The following CTDSPL2 variants were observed in gnomAD, a reference collection of about 807,000 sequenced individuals.
CTDSPL2 encodes the protein CTD small phosphatase-like protein 2.
Under a neutral mutation model 60.0 loss-of-function variants are expected in CTDSPL2, and 5 were observed. That is an observed-to-expected ratio of 0.08 (90% CI 0.04 to 0.18). The LOEUF is 0.18. Ranked by LOEUF, CTDSPL2 falls within the 10% of genes least tolerant of loss-of-function variation. The pLI is 1.00. For missense variants in CTDSPL2, 370 were observed against 548.8 expected (o/e 0.67, Z 3.26); for synonymous variants, 186 against 189.3 (o/e 0.98, Z 0.14).
intron 2 of CTDSPL2, among the ~76,000 whole-genome samples, chr15:44,477,819 C>T (rs943292568): frequency 2.0e-5 from 3 of 150,482 alleles, no homozygotes; most frequent in African/African-American, 7.4e-5. Flanking sequence ...TCCTGGGCAG[C>T]AAGAGCGAAA....
chr15:44,465,990 A>G (rs1269664230), intron 2 of CTDSPL2, among the ~76,000 whole-genome samples: 1 of 150,468 alleles, frequency 6.6e-6, no homozygotes, highest in Non-Finnish European at 1.5e-5. Flanking sequence ...GCTGGAGTGC[A>G]GTGGGACCAT....
intron 8 of CTDSPL2, among the ~76,000 whole-genome samples, chr15:44,514,223 G>A (rs1388342073): frequency 6.6e-6 from 1 of 152,220 alleles, no homozygotes; most frequent in African/African-American, 2.4e-5. Context: ...AGGTCAGCTA[G>A]AGGTGGACAC....
At chr15:44,519,670 CTA>C (rs1158655941) in intron 11 of CTDSPL2, 3 of 159,436 alleles carry the variant, frequency 1.9e-5, no homozygotes, top group Admixed American at 6.5e-5. Flanking sequence ...TTTTCTTAGA[CTA>C]TTTTGTCAAT....
chr15:44,467,245 A>G (rs1039152385), intron 2 of CTDSPL2, among the ~76,000 whole-genome samples: 15 of 152,200 alleles, frequency 9.9e-5, no homozygotes. Context: ...TTATGCATAT[A>G]TAATTATGTC....
Position 44,527,579 on chromosome 15 carries a change from C to T in CTDSPL2, c.*3405C>T, listed in dbSNP as rs928968666. ...ACATTGAAGCCTTTATTTAATTGTA[C>T]TAATATGATGGTGTTATATACTACA... is the stretch of plus-strand genomic sequence containing the variant. On this transcript the variant is annotated 3_prime_UTR_variant, in exon 13 of 13. Coordinates refer to ENST00000260327, the MANE Select transcript of CTDSPL2 (RefSeq NM_016396.3). 3 of 152,114 alleles carry T rather than the reference C, an allele frequency of 2.0e-5. No homozygotes were observed. Among genetic ancestry groups the T allele is most frequent in the Non-Finnish European group, 4.4e-5 (3 of 67,976 alleles). The allele number at this position is 152,114 out of a possible 1,614,324, so 9.4% of individuals were successfully genotyped here. A position where few individuals can be genotyped will look rare whatever the true frequency, so the allele number is the denominator to read the frequency against.
chr15:44,469,957 G>A (rs963100903), intron 2 of CTDSPL2, among the ~76,000 whole-genome samples: 1 of 151,934 alleles, frequency 6.6e-6, no homozygotes, highest in African/African-American at 2.4e-5. Context: ...AATTAGCCGG[G>A]TGTGGTGGCA....
chr15:44,456,367 G>A (rs529897545), intron 1 of CTDSPL2, among the ~76,000 whole-genome samples: 217 of 152,184 alleles, frequency 1.4e-3, no homozygotes, highest in Non-Finnish European at 1.5e-3. Flanking sequence ...AATCCATCTG[G>A]TCCTGGACTT....
At chr15:44,512,715 A>G (rs889809301) in intron 8 of CTDSPL2, among the ~76,000 whole-genome samples, 4 of 152,212 alleles carry the variant, frequency 2.6e-5, no homozygotes, top group African/African-American at 7.2e-5. Flanking sequence ...ATCCTAAACG[A>G]TGGTGATTGG....
At chr15:44,495,548 C>CA (rs756447042) in intron 5 of CTDSPL2, among the ~76,000 whole-genome samples, 1,691 of 99,456 alleles carry the variant, frequency 0.017, 16 homozygotes, top group African/African-American at 0.048. Flanking sequence ...GACTCCGCCT[C>CA]AAAAAAAAAA....
intron 10 of CTDSPL2, among the ~76,000 whole-genome samples, chr15:44,515,986 C>CTTTTTTTTTTTTTTTTTTTTTT (rs562541301): frequency 7.5e-6 from 1 of 132,978 alleles, no homozygotes; most frequent in African/African-American, 2.8e-5. Context: ...CTTTCTTTTT[C>CTTTTTTTTTTTTTTTTTTTTTT]TTTTTTTTTT....
At chr15:44,470,876 G>C (rs1262017057) in intron 2 of CTDSPL2, among the ~76,000 whole-genome samples, 1 of 151,704 alleles carries the variant, frequency 6.6e-6, no homozygotes, top group East Asian at 1.9e-4. Flanking sequence ...CCTGTCATTT[G>C]AGTGAACTAG....
intron 1 of CTDSPL2, among the ~76,000 whole-genome samples, chr15:44,457,204 A>G (rs956659453): frequency 6.6e-6 from 1 of 152,176 alleles, no homozygotes; most frequent in Admixed American, 6.5e-5. Flanking sequence ...CTGACTTCTC[A>G]TAGCTGTGAA....
chr15:44,440,118 A>C (rs770261190), intron 1 of CTDSPL2, among the ~76,000 whole-genome samples: 1 of 151,942 alleles, frequency 6.6e-6, no homozygotes, highest in Non-Finnish European at 1.5e-5. Flanking sequence ...TTGGTGGTCC[A>C]TATGTTTTGA....
chr15:44,443,626 T>A (rs1456680486), intron 1 of CTDSPL2, among the ~76,000 whole-genome samples: 2 of 152,196 alleles, frequency 1.3e-5, no homozygotes, highest in Non-Finnish European at 2.9e-5. Context: ...CTGTTTTTTA[T>A]TGTGGTTTTA....
chr15:44,448,374 G>T (rs960763529), intron 1 of CTDSPL2: 49 of 228,884 alleles, frequency 2.1e-4, no homozygotes, highest in African/African-American at 9.4e-4. Context: ...CCAGACCCAT[G>T]TGCTGCATCT....
At chr15:44,513,685 T>G (rs930351815) in intron 8 of CTDSPL2, among the ~76,000 whole-genome samples, 3 of 152,224 alleles carry the variant, frequency 2.0e-5, no homozygotes, top group Non-Finnish European at 2.9e-5. Flanking sequence ...TCTAGTTCAA[T>G]AAATACTTGT....
chr15:44,459,474 G>C (rs949030670), intron 2 of CTDSPL2, among the ~76,000 whole-genome samples: 4 of 152,112 alleles, frequency 2.6e-5, no homozygotes, highest in African/African-American at 7.2e-5. Flanking sequence ...CCTGTAGTGA[G>C]CCGAGATCGC....
intron 2 of CTDSPL2, among the ~76,000 whole-genome samples, chr15:44,476,133 A>T (rs1382170213): frequency 6.6e-6 from 1 of 152,090 alleles, no homozygotes; most frequent in African/African-American, 2.4e-5. Context: ...CAGTGGCACG[A>T]TCTCGGCTCA....
intron 8 of CTDSPL2, among the ~76,000 whole-genome samples, chr15:44,508,842 C>T (rs1475320477): frequency 4.6e-5 from 7 of 152,096 alleles, no homozygotes; most frequent in East Asian, 3.9e-4. Context: ...TGCTTGAACC[C>T]GGGAGGTGGA....
Sources: allele counts gnomAD v4.1 joint callset (sites outside exome capture counted in the v4.1 genomes callset), GRCh38; gene constraint gnomAD v4.1.1; transcripts MANE v1.5; gene names NCBI Gene and HGNC (gene_info 2026-07-23, HGNC 2026-07-21).